The following SORBS2 variants were observed in gnomAD, a reference collection of about 807,000 sequenced individuals.
SORBS2 encodes sorbin and SH3 domain-containing protein 2.
Under a neutral mutation model 97.7 loss-of-function variants are expected in SORBS2, and 46 were observed. That is an observed-to-expected ratio of 0.47 (90% confidence interval 0.37 to 0.60). The LOEUF is 0.60. Ranked by LOEUF, SORBS2 falls within the 20% of genes least tolerant of loss-of-function variation. The probability of loss-of-function intolerance (pLI) is 0.00; values close to 1 mark genes in which losing one functional copy is unlikely to be tolerated. For synonymous variants in SORBS2, 476 were observed against 473.4 expected (o/e 1.01, Z -0.07); for missense variants, 1,316 against 1,282.3 (o/e 1.03, Z -0.40).
At chr4:185,849,614 A>C (rs1003569513) in intron 1 of SORBS2, among the ~76,000 whole-genome samples, 3 of 152,156 alleles carry the variant, frequency 2.0e-5, no homozygotes, top group African/African-American at 7.2e-5. Context: ...TCTTTTAGAC[A>C]TAATCTTTGT....
chr4:185,689,161 G>A (rs1392015388), intron 2 of SORBS2, among the ~76,000 whole-genome samples: 1 of 152,202 alleles, frequency 6.6e-6, no homozygotes, highest in African/African-American at 2.4e-5. Context: ...AGTATATCAT[G>A]TATGCATATC....
chr4:185,750,937 G>A (rs1340449366), intron 2 of SORBS2, among the ~76,000 whole-genome samples: 1 of 151,774 alleles, frequency 6.6e-6, no homozygotes, highest in East Asian at 1.9e-4. Context: ...CAAATCACAT[G>A]AGCAAATAGC....
chr4:185,748,054 G>A (rs903155388), intron 2 of SORBS2, among the ~76,000 whole-genome samples: 1 of 152,118 alleles, frequency 6.6e-6, no homozygotes, highest in Non-Finnish European at 1.5e-5. Flanking sequence ...CTCATTTTAA[G>A]CTGTGCTAAA....
At chr4:185,907,606 A>G (rs1442941402) in intron 1 of SORBS2, among the ~76,000 whole-genome samples, 1 of 152,192 alleles carries the variant, frequency 6.6e-6, no homozygotes, top group African/African-American at 2.4e-5. Flanking sequence ...TTAAAATCAC[A>G]TATTATCCTT....
At chr4:185,807,470 G>C (rs1561158160) in intron 1 of SORBS2, among the ~76,000 whole-genome samples, 1 of 152,132 alleles carries the variant, frequency 6.6e-6, no homozygotes, top group Non-Finnish European at 1.5e-5. Context: ...TTCCTACTTG[G>C]TAAACTAGTA....
At chr4:185,750,965 A>G (rs1375750816) in intron 2 of SORBS2, among the ~76,000 whole-genome samples, 1 of 152,004 alleles carries the variant, frequency 6.6e-6, no homozygotes, top group Non-Finnish European at 1.5e-5. Flanking sequence ...TGTACATGAT[A>G]TATAAGGCAC....
At position 185,638,173 on chromosome 4, in the gene SORBS2, T is replaced by C. The variant is rs994476887; in HGVS notation, c.397-7575A>G. 6.4e-7 allele frequency: 1 copy of C among 1,563,570 alleles called. No homozygotes were observed. The highest frequency in any genetic ancestry group is 8.8e-7 in the Non-Finnish European group (1 of 1,135,248). On this transcript the variant is annotated intron_variant, in intron 4 of 14. Transcript: ENST00000418609. The stretch of plus-strand genomic sequence containing the variant: ...ATTTATGCGATCAGTCTAGAGCAGA[T>C]GTGAAGGAAAAGGGAAGGAAAAGGC...
chr4:185,671,586 A>T (rs1273217858), intron 4 of SORBS2, among the ~76,000 whole-genome samples: 1 of 152,246 alleles, frequency 6.6e-6, no homozygotes, highest in African/African-American at 2.4e-5. Flanking sequence ...ATAGCTCTCA[A>T]AAAAAGGAGA....
At chr4:185,843,610 C>T (rs1003610063) in intron 1 of SORBS2, among the ~76,000 whole-genome samples, 7 of 152,064 alleles carry the variant, frequency 4.6e-5, no homozygotes, top group African/African-American at 1.7e-4. Flanking sequence ...TGAAAAAATA[C>T]TTAGAAATAA....
At chr4:185,856,415 T>G (rs2099220567) in intron 1 of SORBS2, among the ~76,000 whole-genome samples, 1 of 152,196 alleles carries the variant, frequency 6.6e-6, no homozygotes, top group Non-Finnish European at 1.5e-5. Flanking sequence ...CTGCCTGGCA[T>G]GTAGGAGACA....
Position 185,675,285 on chromosome 4 carries a change from C to T in SORBS2, c.-46+3138G>A, listed in dbSNP as rs902595852. The T allele has an allele frequency of 2.0e-5, 3 of 152,508 alleles. No homozygotes were observed. The East Asian group carries it at 5.8e-4, about 29-fold the overall frequency. 9.4% of individuals were successfully genotyped at this position (152,508 alleles called of 1,614,324 possible). ...GTTCCTATGACTTCTCCTACACCTG[C>T]TTCCTGGCGTGCCCATCCTGGGACA... is the stretch of plus-strand genomic sequence containing the variant. On this transcript the variant is annotated intron_variant, in intron 4 of 20. Coordinates refer to the SORBS2 transcript ENST00000284776.
chr4:185,836,513 A>C (rs1579127492), intron 1 of SORBS2, among the ~76,000 whole-genome samples: 1 of 152,378 alleles, frequency 6.6e-6, no homozygotes, highest in South Asian at 2.1e-4. Flanking sequence ...CTAAGTGATT[A>C]TAATGTACAC....
chr4:185,939,775 G>A (rs917952810), intron 1 of SORBS2, among the ~76,000 whole-genome samples: 1 of 152,126 alleles, frequency 6.6e-6, no homozygotes, highest in Non-Finnish European at 1.5e-5. Context: ...CTCCCAAAGT[G>A]CTGGGATTAC....
intron 2 of SORBS2, among the ~76,000 whole-genome samples, chr4:185,708,047 T>A (rs1446041065): frequency 6.6e-6 from 1 of 152,154 alleles, no homozygotes; most frequent in Non-Finnish European, 1.5e-5. Flanking sequence ...TTCTTCCCCT[T>A]GAAGGAGCCC....
At chr4:185,766,114 A>G (rs2098932716) in intron 2 of SORBS2, among the ~76,000 whole-genome samples, 1 of 152,202 alleles carries the variant, frequency 6.6e-6, no homozygotes, top group Non-Finnish European at 1.5e-5. Flanking sequence ...GGGAAAAACC[A>G]TTTTCTACTT....
intron 2 of SORBS2, among the ~76,000 whole-genome samples, chr4:185,763,183 TCTCAAAAA>T (rs1383582830): frequency 6.9e-6 from 1 of 144,598 alleles, no homozygotes; most frequent in Non-Finnish European, 1.5e-5. Context: ...AGAGAGACTC[TCTCAAAAA>T]CAAAAACAAA....
intron 1 of SORBS2, among the ~76,000 whole-genome samples, chr4:185,819,145 C>T (rs1446738380): frequency 6.6e-6 from 1 of 152,130 alleles, no homozygotes; most frequent in Non-Finnish European, 1.5e-5. Context: ...AATAACAGGG[C>T]TTACAAGAGA....
intron 2 of SORBS2, among the ~76,000 whole-genome samples, chr4:185,705,181 A>G (rs1308265787): frequency 6.6e-6 from 1 of 152,232 alleles, no homozygotes; most frequent in African/African-American, 2.4e-5. Context: ...ACTACCCAGA[A>G]GTTGGTCGAT....
At chr4:185,936,704 C>T (rs2099269122) in intron 1 of SORBS2, among the ~76,000 whole-genome samples, 1 of 152,120 alleles carries the variant, frequency 6.6e-6, no homozygotes, top group Non-Finnish European at 1.5e-5. Context: ...AGTCACATGT[C>T]CCAATTTTAG....
Sources: allele counts gnomAD v4.1 joint callset (sites outside exome capture counted in the v4.1 genomes callset), GRCh38; gene constraint gnomAD v4.1.1; transcripts MANE v1.5; gene names NCBI Gene and HGNC (gene_info 2026-07-23, HGNC 2026-07-21).